Variants in KRAS observed in about 807,000 individuals in gnomAD.
KRAS encodes the protein GTPase KRas.
In KRAS, 1 loss-of-function variant was observed where a neutral mutation model predicts 21.0. The observed-to-expected ratio is 0.05, with a 90% CI of 0.02 to 0.23. The LOEUF (loss-of-function observed/expected upper bound fraction) is 0.23. Among genes scored for constraint, KRAS ranks in the 10% least tolerant of loss-of-function variants. KRAS has a pLI of 1.00. For missense variants in KRAS, 107 were observed against 221.8 expected (o/e 0.48, Z 3.29); for synonymous variants, 67 against 72.5 (o/e 0.92, Z 0.39).
chr12:25,222,376 T>G (rs1277771046), intron 4 of KRAS, among the ~76,000 whole-genome samples: 1 of 152,046 alleles, frequency 6.6e-6, no homozygotes, highest in Non-Finnish European at 1.5e-5. Flanking sequence ...ATCAAATTAA[T>G]TTCAACGGAG....
rs1391000296 is a variant in KRAS, at chr12:25,208,477, G to A, written c.*1318C>T. The A allele has an allele frequency of 4.3e-6, 1 of 233,090 alleles. No homozygotes were observed. The highest frequency in any genetic ancestry group is 8.5e-6 in the Non-Finnish European group (1 of 117,866). 14.4% of individuals were successfully genotyped at this position (233,090 alleles called of 1,614,324 possible). A position where few individuals can be genotyped will look rare whatever the true frequency, so the allele number is the denominator to read the frequency against. ...GTTAAGAGAACTAGCCAAACCTAGA[G>A]ATTGTAAAACTTTTTCACTTCATTG... is the stretch of plus-strand genomic sequence containing the variant. On this transcript the variant is annotated 3_prime_UTR_variant, in exon 5 of 5. Coordinates refer to ENST00000311936, the MANE Select transcript of KRAS (RefSeq NM_004985.5).
chr12:25,235,609 G>A (rs1263085312), intron 2 of KRAS, among the ~76,000 whole-genome samples: 2 of 152,128 alleles, frequency 1.3e-5, no homozygotes, highest in Non-Finnish European at 1.5e-5. Context: ...TATGCAAGAC[G>A]AAGTACAATG....
intron 1 of KRAS, among the ~76,000 whole-genome samples, chr12:25,248,419 C>T (rs979619448): frequency 2.0e-5 from 3 of 151,958 alleles, no homozygotes; most frequent in Admixed American, 6.6e-5. Flanking sequence ...CACTGCATTC[C>T]GGCCTGGGTG....
intron 2 of KRAS, among the ~76,000 whole-genome samples, chr12:25,241,508 AAAGTT>A (rs1333422636): frequency 6.6e-6 from 1 of 152,246 alleles, no homozygotes; most frequent in Non-Finnish European, 1.5e-5. Context: ...TTAACGTACA[AAAGTT>A]AAAGTTTAAA....
chr12:25,245,469 TCCA>T, intron 1 of KRAS, 74 bp from the exon 2 acceptor site: 1 of 1,376,234 alleles, frequency 7.3e-7, no homozygotes. Flanking sequence ...TATCAAATAC[TCCA>T]CCAGTACCTT....
At chr12:25,243,769 C>T (rs1951640677) in intron 2 of KRAS, among the ~76,000 whole-genome samples, 1 of 152,114 alleles carries the variant, frequency 6.6e-6, no homozygotes, top group South Asian at 2.1e-4. Flanking sequence ...TGCCAAGTAA[C>T]CCTGAATTTG....
chr12:25,225,607 T>TA lies in KRAS; in HGVS notation c.450+6dup. 1 of 1,612,402 alleles carries TA rather than the reference T, an allele frequency of 6.2e-7. No homozygotes were observed. Among genetic ancestry groups the TA allele is most frequent in the Non-Finnish European group, 8.5e-7 (1 of 1,179,062 alleles). On this transcript the variant is annotated splice_region_variant and intron_variant, in intron 4 of 4. Transcript: ENST00000311936. ...AACAGATCTGTATTTATTTCAGTGTTACTTACCTGTCTTGTCTTTGCTGAT... is the reference window on the plus strand; with the variant it reads ...AACAGATCTGTATTTATTTCAGTGTTAACTTACCTGTCTTGTCTTTGCTGAT...
intron 1 of KRAS, among the ~76,000 whole-genome samples, chr12:25,246,644 C>T (rs569880949): frequency 1.3e-5 from 2 of 152,098 alleles, no homozygotes; most frequent in African/African-American, 4.8e-5. Flanking sequence ...GAGCCGGGCA[C>T]GGTGGCTCAC....
chr12:25,242,930 C>A (rs1337392823), intron 2 of KRAS, among the ~76,000 whole-genome samples: 2 of 152,068 alleles, frequency 1.3e-5, no homozygotes, highest in Non-Finnish European at 2.9e-5. Flanking sequence ...TCCTTACTAT[C>A]TCTTAGTGTA....
intron 2 of KRAS, among the ~76,000 whole-genome samples, chr12:25,228,201 T>TG (rs71065927): frequency 2.1e-5 from 3 of 144,994 alleles, no homozygotes; most frequent in Non-Finnish European, 4.5e-5. Flanking sequence ...TTTTTTTTTT[T>TG]GGAGAGATAG....
chr12:25,229,840 C>T (rs1287447508), intron 2 of KRAS, among the ~76,000 whole-genome samples: 1 of 150,196 alleles, frequency 6.7e-6, no homozygotes, highest in Non-Finnish European at 1.5e-5. Flanking sequence ...GCAATCTCGG[C>T]TCACTACAAC....
intron 1 of KRAS, among the ~76,000 whole-genome samples, chr12:25,246,914 CAA>C (rs60777057): frequency 3.5e-5 from 5 of 142,462 alleles, no homozygotes; most frequent in Admixed American, 1.4e-4. Context: ...CACTCCGTCT[CAA>C]AAAAAAAAAA....
chr12:25,226,574 TAAATA>T (rs1260336532), intron 3 of KRAS, among the ~76,000 whole-genome samples: 1 of 152,214 alleles, frequency 6.6e-6, no homozygotes, highest in Non-Finnish European at 1.5e-5. Flanking sequence ...ACAATGTTCT[TAAATA>T]AAATGTTAAA....
chr12:25,222,300 A>G (rs1951336976), intron 4 of KRAS, among the ~76,000 whole-genome samples: 1 of 152,158 alleles, frequency 6.6e-6, no homozygotes. Context: ...AAATTCCCAT[A>G]TTTCATTTTA....
intron 4 of KRAS, chr12:25,215,373 C>T (rs1951242093): frequency 6.2e-7 from 1 of 1,606,240 alleles, no homozygotes; most frequent in African/African-American, 1.3e-5. Flanking sequence ...AAGTGGTTGC[C>T]ACCTTGTTAC....
chr12:25,234,285 G>T (rs1317819252), intron 2 of KRAS: 1 of 177,748 alleles, frequency 5.6e-6, no homozygotes. Flanking sequence ...CTAGGGAAAA[G>T]AATGCAGGAG....
At chr12:25,210,675 C>T (rs561934471) in intron 4 of KRAS, 2 of 152,182 alleles carry the variant, frequency 1.3e-5, no homozygotes, top group South Asian at 2.1e-4. Flanking sequence ...CTTTCTATCC[C>T]ATAAAGTTTT....
rs1256144582 is a variant in KRAS, at chr12:25,209,814, G to T, written c.548C>A (p.Thr183Lys). The T allele has an allele frequency of 6.2e-7, 1 of 1,608,920 alleles. No homozygotes were observed. ...TTGTATTTACATAATTACACACTTT[G>T]TCTTTGACTTCTTTTTCTTCTTTTT... ...DGKKKKKKSK[T>K]KCVIM is the part of the protein sequence containing the mutation. Residue 183 changes from threonine to lysine, a missense_variant, in exon 5 of 5, where the codon ACA becomes AAA. Transcript: ENST00000311936.
intron 2 of KRAS, among the ~76,000 whole-genome samples, chr12:25,228,411 G>C (rs1017469968): frequency 6.6e-6 from 1 of 151,716 alleles, no homozygotes; most frequent in African/African-American, 2.4e-5. Context: ...AACCACTTCT[G>C]GTCACAACCA....
Sources: allele counts gnomAD v4.1 joint callset (sites outside exome capture counted in the v4.1 genomes callset), GRCh38; gene constraint gnomAD v4.1.1; transcripts MANE v1.5; gene names NCBI Gene and HGNC (gene_info 2026-07-23, HGNC 2026-07-21).